Variants in SRCAP observed in about 807,000 individuals in gnomAD.
SRCAP encodes Snf2 related CREBBP activator protein, also known as chromatin remodeling protein SRCAP.
SRCAP carries 46 observed loss-of-function variants against 263.1 expected under a neutral mutation model. The ratio of observed to expected loss-of-function variants is 0.17; its 90% confidence interval spans 0.14 to 0.22. The LOEUF is 0.22. SRCAP is among the 10% of genes least tolerant of loss of function. The pLI is 1.00. For synonymous variants in SRCAP, 1,813 were observed against 1,662.1 expected (o/e 1.09, Z -2.21); for missense variants, 3,695 against 4,181.9 (o/e 0.88, Z 3.21).
At chr16:30,725,212 A>AGT in intron 25 of SRCAP, 130 bp downstream of exon 25, 5 of 1,451,286 alleles carry the variant, frequency 3.4e-6, no homozygotes, top group Non-Finnish European at 4.5e-6. Flanking sequence ...CAAGTACTTG[A>AGT]GTGACATTTG....
Position 30,737,334 on chromosome 16 carries a change from G to T in SRCAP, c.7294G>T (p.Ala2432Ser). Reference sequence around the variant, plus strand: ...CACCACACCACCCCGCTGCAGTCCTGCCAGGGAGCGAGTTCCCAGGCCAGC... The same window carrying T: ...CACCACACCACCCCGCTGCAGTCCTTCCAGGGAGCGAGTTCCCAGGCCAGC... ...STTTPPRCSP[A>S]RERVPRPAPR... is the part of the protein sequence containing the mutation. The change falls in exon 34 of 34, where the codon GCC becomes TCC. Residue 2432 changes from alanine (A) to serine (S), a missense_variant. Ala to Ser is a moderately conservative substitution (Grantham distance 99). Coordinates refer to ENST00000262518, the MANE Select transcript of SRCAP (RefSeq NM_006662.3). 2 of 1,614,094 alleles carry T rather than the reference G, an allele frequency of 1.2e-6. No homozygotes were observed. Among genetic ancestry groups the T allele is most frequent in the South Asian group, 2.2e-5 (2 of 91,074 alleles).
intron 16 of SRCAP, 35 bp downstream of exon 16, chr16:30,713,746 A>G (rs1468595143): frequency 5.0e-6 from 8 of 1,602,968 alleles, no homozygotes; most frequent in Non-Finnish European, 6.8e-6. Flanking sequence ...GGTATTGGGA[A>G]TGGTAAGGAA....
chr16:30,711,220 T>TG (rs2052887988), intron 10 of SRCAP, 132 bp downstream of exon 10: 2 of 709,928 alleles, frequency 2.8e-6, no homozygotes, highest in South Asian at 3.2e-5. Context: ...AAGACAGACT[T>TG]GTAAACCAGT....
At chr16:30,711,379 A>G (rs1349347647) in intron 10 of SRCAP, among the ~76,000 whole-genome samples, 192 bp from the exon 11 acceptor site, 2 of 152,182 alleles carry the variant, frequency 1.3e-5, no homozygotes, top group African/African-American at 2.4e-5. Context: ...GTTCTTCCCA[A>G]TTCCCATGGT....
rs2052898600 is a variant in SRCAP, at chr16:30,712,097, T to G, written c.1755T>G (p.Thr585=). 6.2e-7 allele frequency: 1 copy of G among 1,614,042 alleles called. No individual in the cohort carries two copies. Among genetic ancestry groups the G allele is most frequent in the Non-Finnish European group, 8.5e-7 (1 of 1,180,046 alleles). ...PTTLGPKKEI[T]DIAAAAESLQ... ...CTCTAGGTCCAAAGAAAGAAATTAC[T>G]GACATTGCTGCAGCAGCTGAAAGTC... Residue 585 remains threonine (T), a synonymous_variant, in exon 12 of 34, where the codon ACT becomes ACG. Coordinates refer to ENST00000262518, the MANE Select transcript of SRCAP (RefSeq NM_006662.3).
rs189201995 is a variant in SRCAP, at chr16:30,737,197, A to G, written c.7157A>G (p.Lys2386Arg). 1.0e-4 allele frequency: 169 copies of G among 1,613,986 alleles called. 1 individual carries two copies. The East Asian group carries it at 2.4e-3, about 23-fold the overall frequency. The change falls in exon 34 of 34, where the codon AAA becomes AGA. Residue 2386 changes from lysine (K) to arginine (R), a missense_variant. By Grantham distance (26) the Lys-to-Arg change is conservative (BLOSUM62 2). This residue lies in a region of SRCAP where 1,207 missense variants were observed against 1,142.9 expected (regional missense o/e 1.06). Transcript: ENST00000262518. ...ACCCACCGGCGCAGTAAAAAGGCCAAAGCCCCTGAGAGGCCGGGGACTCGT... is the reference window on the plus strand; with the variant it reads ...ACCCACCGGCGCAGTAAAAAGGCCAGAGCCCCTGAGAGGCCGGGGACTCGT... ...GGTHRRSKKA[K>R]APERPGTRVS...
chr16:30,721,578 A>C, intron 21 of SRCAP, 102 bp downstream of exon 21: 1 of 1,448,284 alleles, frequency 6.9e-7, no homozygotes, highest in Non-Finnish European at 9.2e-7. Context: ...ATGATGGCTC[A>C]TGCCTATAAT....
At position 30,710,013 on chromosome 16, in the gene SRCAP, C is replaced by G; in HGVS notation, c.1019C>G (p.Pro340Arg). ...LPLEELLRSL[P>R]PQLLEGPSSP... ...CTGGAAGAGCTGCTCCGTTCCCTTCCCCCTCAGCTGTTGGAAGGGCCTTCC... is the reference window on the plus strand; with the variant it reads ...CTGGAAGAGCTGCTCCGTTCCCTTCGCCCTCAGCTGTTGGAAGGGCCTTCC... Residue 340 changes from proline (P) to arginine (R), a missense_variant, in exon 8 of 34, where the codon CCC becomes CGC. By Grantham distance (103) the Pro-to-Arg change is moderately radical. This residue lies in a region of SRCAP where 288 missense variants were observed against 302.4 expected (regional missense o/e 0.95). Transcript: ENST00000262518. 1 of 1,614,146 alleles carries G rather than the reference C, an allele frequency of 6.2e-7. No homozygotes were observed. The highest frequency in any genetic ancestry group is 8.5e-7 in the Non-Finnish European group (1 of 1,180,028).
In SRCAP at chr16:30,711,581, C is replaced by T. The variant is rs1451370180; in HGVS notation, c.1329C>T (p.Ser443=). 6.3e-7 allele frequency: 1 copy of T among 1,589,826 alleles called. No individual in the cohort carries two copies. The highest frequency in any genetic ancestry group is 2.2e-5 in the East Asian group (1 of 44,694). The change falls in exon 11 of 34, where the codon TCC becomes TCT. Residue 443 remains serine, a synonymous_variant. Transcript: ENST00000262518. The part of the protein sequence containing the change: ...LSELAREGEL[S]MEELLQQYAG... ...TTGTTTCTCTTCCAGGTGAGCTTTC[C>T]ATGGAGGAGCTATTGCAGCAGTATG...
rs777066101 is a variant in SRCAP at position 30,707,192 on chromosome 16, A to G, written c.316A>G (p.Ile106Val). 5.0e-6 allele frequency: 8 copies of G among 1,614,032 alleles called. No individual in the cohort carries two copies. The African/African-American group carries it at 5.3e-5, about 11-fold the overall frequency. The change falls in exon 5 of 34, where the codon ATC becomes GTC. Residue 106 changes from isoleucine (I) to valine (V), a missense_variant. Around this residue, in one of 12 missense-constraint regions of SRCAP, gnomAD observed 107 missense variants for 223.8 expected, o/e 0.48. Transcript: ENST00000262518. Reference protein sequence around the residue: ...IAEQAKHEAEIETRIAELRKE... With the variant: ...IAEQAKHEAEVETRIAELRKE... Reference sequence around the variant, plus strand: ...GGCTCTCCCTGATTAGGAGGCCGAGATCGAGACTCGGATTGCTGAGCTGCG... The same window carrying G: ...GGCTCTCCCTGATTAGGAGGCCGAGGTCGAGACTCGGATTGCTGAGCTGCG...
In SRCAP at chr16:30,738,588, G is replaced by A. The variant is rs146681342; in HGVS notation, c.8548G>A (p.Ala2850Thr). The A allele has an allele frequency of 3.1e-6, 5 of 1,604,986 alleles. No homozygotes were observed. The highest frequency in any genetic ancestry group is 2.2e-5 in the East Asian group (1 of 44,796). The change falls in exon 34 of 34, where the codon GCC becomes ACC. Residue 2850 changes from alanine to threonine, a missense_variant. Ala to Thr is a moderately conservative substitution (Grantham distance 58). This residue lies in a region of SRCAP where 1,207 missense variants were observed against 1,142.9 expected (regional missense o/e 1.06). Coordinates refer to ENST00000262518, the MANE Select transcript of SRCAP (RefSeq NM_006662.3). ...SPENGDGALL[A>T]ITPPAVKRRR... is the part of the protein sequence containing the mutation. ...CGAGAATGGAGACGGAGCACTGCTCGCCATCACCCCACCTGCTGTGAAACG... is the reference window on the plus strand; with the variant it reads ...CGAGAATGGAGACGGAGCACTGCTCACCATCACCCCACCTGCTGTGAAACG...
In SRCAP at chr16:30,724,895, T is replaced by C; in HGVS notation, c.5471T>C (p.Val1824Ala). Reference sequence around the variant, plus strand: ...CCAGCTTCCCAGGCATCTTCCCTTGTGGTTTCGGCATCTGGTGCCGCTCCC... The same window carrying C: ...CCAGCTTCCCAGGCATCTTCCCTTGCGGTTTCGGCATCTGGTGCCGCTCCC... Reference protein sequence around the residue: ...QSPASQASSLVVSASGAAPLP... With the variant: ...QSPASQASSLAVSASGAAPLP... The change falls in exon 25 of 34, where the codon GTG becomes GCG. Residue 1824 changes from valine to alanine, a missense_variant. Transcript: ENST00000262518. 1.9e-6 allele frequency: 3 copies of C among 1,614,236 alleles called. No homozygotes were observed. The highest frequency in any genetic ancestry group is 1.3e-5 in the African/African-American group (1 of 75,068).
At position 30,729,551 on chromosome 16, in the gene SRCAP, A is replaced by C. The variant is rs755268465; in HGVS notation, c.6106A>C (p.Arg2036=). The change falls in exon 27 of 34, where the codon AGA becomes CGA. Residue 2036 remains arginine, a synonymous_variant. Transcript: ENST00000262518. ...CNMRTQFPDL[R]LIQYDCGKLQ... is the part of the protein sequence containing the mutation. ...CATGCGCACCCAGTTCCCTGACTTA[A>C]GACTCATCCAGTATGATTGCGGTGA... The C allele has an allele frequency of 2.5e-6, 4 of 1,614,046 alleles. No homozygotes were observed. Among genetic ancestry groups the C allele is most frequent in the African/African-American group, 2.7e-5 (2 of 74,930 alleles).
chr16:30,738,920 C>G lies in SRCAP; in HGVS notation c.8880C>G (p.Gly2960=). The change falls in exon 34 of 34, where the codon GGC becomes GGG. Residue 2960 remains glycine, a synonymous_variant. Coordinates refer to ENST00000262518, the MANE Select transcript of SRCAP (RefSeq NM_006662.3). ...IPGTISSAGD[G]NSESRTQPPP... ...GGACCATTTCCTCTGCAGGGGATGG[C>G]AACTCCGAAAGTCGGACACAGCCAC... 1 of 1,614,144 alleles carries G rather than the reference C, an allele frequency of 6.2e-7. No individual in the cohort carries two copies. The highest frequency in any genetic ancestry group is 8.5e-7 in the Non-Finnish European group (1 of 1,180,026).
chr16:30,722,814 A>G (rs2053024786), intron 23 of SRCAP, 66 bp downstream of exon 23: 6 of 1,559,216 alleles, frequency 3.8e-6, no homozygotes, highest in Non-Finnish European at 4.3e-6. Flanking sequence ...GCGCTGGGCT[A>G]CTGTCTGTCC....
In SRCAP at chr16:30,722,143, G is replaced by A; in HGVS notation, c.3563G>A (p.Gly1188Glu). ...RLPSGEVVSIGQLASLAQRPV... is the reference protein window; with the variant it reads ...RLPSGEVVSIEQLASLAQRPV... ...TTAGCAGGCGAAGTGGTCAGCATCG[G>A]GCAGTTAGCCTCACTGGCACAACGT... is the stretch of plus-strand genomic sequence containing the variant. The change falls in exon 22 of 34, where the codon GGG becomes GAG. Residue 1188 changes from glycine to glutamate, a missense_variant. Coordinates refer to ENST00000262518, the MANE Select transcript of SRCAP (RefSeq NM_006662.3). The A allele has an allele frequency of 6.2e-7, 1 of 1,614,066 alleles. No homozygotes were observed. The highest frequency in any genetic ancestry group is 8.5e-7 in the Non-Finnish European group (1 of 1,179,974).
chr16:30,702,582 C>T (rs1596639125), intron 3 of SRCAP, among the ~76,000 whole-genome samples: 1 of 127,328 alleles, frequency 7.9e-6, no homozygotes, highest in Non-Finnish European at 1.7e-5. Context: ...TCCCTCCCTC[C>T]CTCCCTTCCC....
At position 30,729,541 on chromosome 16, in the gene SRCAP, C is replaced by T; in HGVS notation, c.6096C>T (p.Phe2032=). The T allele has an allele frequency of 6.2e-7, 1 of 1,614,166 alleles. No homozygotes were observed. Among genetic ancestry groups the T allele is most frequent in the Non-Finnish European group, 8.5e-7 (1 of 1,180,038 alleles). The change falls in exon 27 of 34, where the codon TTC becomes TTT. Residue 2032 remains phenylalanine (F), a synonymous_variant. Coordinates refer to ENST00000262518, the MANE Select transcript of SRCAP (RefSeq NM_006662.3). ...TTGTGTGTAACATGCGCACCCAGTT[C>T]CCTGACTTAAGACTCATCCAGTATG... ...HRIVCNMRTQ[F]PDLRLIQYDC...
rs746006737 is a variant in SRCAP at position 30,739,716 on chromosome 16, C to G, written c.9676C>G (p.Arg3226Gly). Residue 3226 changes from arginine (R) to glycine (G), a missense_variant, in exon 34 of 34, where the codon CGC becomes GGC. Physicochemically the swap from Arg to Gly is moderately radical, Grantham distance 125. Coordinates refer to ENST00000262518, the MANE Select transcript of SRCAP (RefSeq NM_006662.3). ...TGGCCCTGCTGTTAGTCACAGAGGC[C>G]GCAAGGCCAAGACGTGAGTGGGCTG... ...LAGPAVSHRG[R>G]KAKT 2.7e-6 allele frequency: 4 copies of G among 1,492,820 alleles called. No individual in the cohort carries two copies. Among genetic ancestry groups the G allele is most frequent in the Non-Finnish European group, 3.6e-6 (4 of 1,121,908 alleles). 92.5% of individuals were successfully genotyped at this position (1,492,820 alleles called of 1,614,324 possible). A position where few individuals can be genotyped will look rare whatever the true frequency, so the allele number is the denominator to read the frequency against.
Sources: gnomAD v4.1 joint callset for allele counts (sites outside exome capture counted in the v4.1 genomes callset) on GRCh38, gnomAD v4.1.1 for gene constraint, gnomAD v4.1.1 regional missense constraint, MANE v1.5 for transcripts, NCBI Gene and HGNC (gene_info 2026-07-23, HGNC 2026-07-21) for gene names.